Variants in COL24A1 observed in about 807,000 individuals in gnomAD.
The protein encoded by COL24A1 is collagen type XXIV alpha 1 chain, also known as collagen alpha-1(XXIV) chain.
Under a neutral mutation model 253.9 loss-of-function variants are expected in COL24A1, and 224 were observed. The ratio of observed to expected loss-of-function variants is 0.88; its 90% CI spans 0.79 to 0.99. COL24A1 has a LOEUF of 0.99. Ranked by LOEUF, COL24A1 falls within the 50% of genes least tolerant of loss-of-function variation. The pLI, the probability that COL24A1 is intolerant of heterozygous loss-of-function variation, is 0.00. For synonymous variants in COL24A1, 685 were observed against 673.7 expected, an observed-to-expected ratio of 1.02 and a Z score of -0.26; for missense variants, 2,131 against 2,068.5, an observed-to-expected ratio of 1.03 and a Z score of -0.59.
intron 5 of COL24A1, among the ~76,000 whole-genome samples, chr1:86,107,780 C>G (rs1705145521): frequency 6.6e-6 from 1 of 151,938 alleles, no homozygotes; most frequent in Non-Finnish European, 1.5e-5. Context: ...CGTGATCTAC[C>G]CGCCTCGGCC....
chr1:86,066,821 A>ATG (rs928902525), intron 7 of COL24A1, among the ~76,000 whole-genome samples: 5 of 145,126 alleles, frequency 3.4e-5, no homozygotes, highest in African/African-American at 1.3e-4. Flanking sequence ...CTGTCACTGA[A>ATG]TAAAAAACAA....
chr1:85,858,621 C>CTCCTTCCTTCCTTCCTTCCTTCCT (rs1192322864), intron 37 of COL24A1, among the ~76,000 whole-genome samples: 29 of 113,360 alleles, frequency 2.6e-4, no homozygotes, highest in Non-Finnish European at 4.4e-4. Flanking sequence ...TATTTTCTCC[C>CTCCTTCCTTCCTTCCTTCCTTCCT]TCCTTCCTTC....
intron 24 of COL24A1, among the ~76,000 whole-genome samples, chr1:85,955,612 C>A (rs1033474976): frequency 6.6e-6 from 1 of 152,086 alleles, no homozygotes; most frequent in Non-Finnish European, 1.5e-5. Flanking sequence ...GGTTTGACAG[C>A]GGGACACCAA....
chr1:85,919,613 G>C (rs568024580), intron 24 of COL24A1, among the ~76,000 whole-genome samples: 3 of 152,270 alleles, frequency 2.0e-5, no homozygotes, highest in Non-Finnish European at 2.9e-5. Flanking sequence ...CCAGGAGTTG[G>C]AGGCTGCAGT....
At chr1:86,110,173 T>G (rs1705399881) in intron 5 of COL24A1, among the ~76,000 whole-genome samples, 1 of 151,570 alleles carries the variant, frequency 6.6e-6, no homozygotes, top group African/African-American at 2.4e-5. Context: ...ATGGGAATAT[T>G]TTATTTTATA....
At chr1:85,874,742 A>C in intron 34 of COL24A1, 40 bp from the exon 35 acceptor site, 1 of 1,601,728 alleles carries the variant, frequency 6.2e-7, no homozygotes, top group Non-Finnish European at 8.5e-7. Context: ...TTTTCTACTA[A>C]GACTGCATGG....
intron 32 of COL24A1, among the ~76,000 whole-genome samples, chr1:85,882,876 T>C (rs1220342405): frequency 6.6e-6 from 1 of 152,220 alleles, no homozygotes; most frequent in Non-Finnish European, 1.5e-5. Context: ...CTGACAATTT[T>C]CCTTGTTCTG....
intron 39 of COL24A1, 149 bp from the exon 40 acceptor site, chr1:85,842,542 C>A (rs1010058): frequency 0.35 from 193,540 of 546,920 alleles, 38,394 homozygotes; most frequent in Non-Finnish European, 0.42. Context: ...AAAAATAACC[C>A]CCCAACTTTT....
Position 85,945,019 on chromosome 1 carries a change from T to TTTTTTTTTTTTTTTTTTTTTTTTTTTTTG in COL24A1, c.2562+16229_2562+16230insCAAAAAAAAAAAAAAAAAAAAAAAAAAAA, listed in dbSNP as rs1553237048. Reference sequence around the variant, plus strand: ...ATCATTGTGTTTTTTTTTTTTTTTTTTTTTTTTTTTTTTTTTGAGACAGAG... The same window carrying TTTTTTTTTTTTTTTTTTTTTTTTTTTTTG: ...ATCATTGTGTTTTTTTTTTTTTTTTTTTTTTTTTTTTTTTTTTTTTTTTTTTTTGTTTTTTTTTTTTTTTTGAGACAGAG... On this transcript the variant is annotated intron_variant, in intron 24 of 59. Transcript: ENST00000370571. Among the ~76,000 whole-genome samples, 9 of 73,362 alleles carry TTTTTTTTTTTTTTTTTTTTTTTTTTTTTG rather than the reference T, an allele frequency of 1.2e-4. 1 individual carries two copies. The highest frequency in any genetic ancestry group is 2.1e-4 in the Non-Finnish European group (8 of 37,364). 48.1% of individuals were successfully genotyped at this position (73,362 alleles called of 152,430 possible). A position where few individuals can be genotyped will look rare whatever the true frequency, so the allele number is the denominator to read the frequency against.
chr1:85,761,677 T>C, intron 53 of COL24A1, 111 bp from the exon 54 acceptor site: 1 of 1,024,334 alleles, frequency 9.8e-7, no homozygotes, highest in South Asian at 1.4e-5. Context: ...AGGCAAGTCA[T>C]ACAATTTAAA....
chr1:85,842,408 A>C lies in COL24A1; in HGVS notation c.3463-15T>G, dbSNP rs1167880616. On this transcript the variant is annotated splice_polypyrimidine_tract_variant and intron_variant, in intron 39 of 59. Coordinates refer to ENST00000370571, the MANE Select transcript of COL24A1 (RefSeq NM_152890.7). The stretch of plus-strand genomic sequence containing the variant: ...CCTAAATGTCCCTGAAAAACAAAGT[A>C]AATATTAGTGAGAGAGAGAAAGTAA... 15 of 1,550,226 alleles carry C rather than the reference A, an allele frequency of 9.7e-6. No homozygotes were observed. Among genetic ancestry groups the C allele is most frequent in the Non-Finnish European group, 1.3e-5 (15 of 1,130,700 alleles).
At chr1:85,875,926 G>A (rs1335025658) in intron 33 of COL24A1, among the ~76,000 whole-genome samples, 1 of 152,040 alleles carries the variant, frequency 6.6e-6, no homozygotes, top group Non-Finnish European at 1.5e-5. Context: ...TTGTCTCCAA[G>A]AGATATTTAC....
chr1:86,086,471 C>T (rs1411641726), intron 7 of COL24A1, among the ~76,000 whole-genome samples: 1 of 152,174 alleles, frequency 6.6e-6, no homozygotes, highest in Non-Finnish European at 1.5e-5. Context: ...ATGTCACCAG[C>T]ATGGATTACA....
intron 5 of COL24A1, among the ~76,000 whole-genome samples, chr1:86,108,333 T>G (rs1705193277): frequency 6.6e-6 from 1 of 152,170 alleles, no homozygotes; most frequent in South Asian, 2.1e-4. Context: ...TTCTTCATTT[T>G]CTCAAATATT....
At chr1:85,761,134 A>G (rs1381709843) in intron 55 of COL24A1, among the ~76,000 whole-genome samples, 1 of 152,198 alleles carries the variant, frequency 6.6e-6, no homozygotes, top group Non-Finnish European at 1.5e-5. Flanking sequence ...TGTATTATAC[A>G]ATGTGCTGCA....
chr1:85,965,444 GTGTT>G (rs1359747923), intron 22 of COL24A1, among the ~76,000 whole-genome samples: 1 of 152,086 alleles, frequency 6.6e-6, no homozygotes, highest in Non-Finnish European at 1.5e-5. Flanking sequence ...TTTATTGAAA[GTGTT>G]TGTAAGATTC....
chr1:86,109,918 C>G (rs1705375643), intron 5 of COL24A1, among the ~76,000 whole-genome samples: 1 of 152,190 alleles, frequency 6.6e-6, no homozygotes, highest in Non-Finnish European at 1.5e-5. Context: ...CTAGTTCCTT[C>G]CATTGTGTGA....
rs1459803068 is a variant in COL24A1, at chr1:85,957,666, T to G, written c.2562+3583A>C. Among the ~76,000 whole-genome samples, 4 of 152,210 alleles carry G rather than the reference T, an allele frequency of 2.6e-5. No individual in the cohort carries two copies. In the South Asian group the frequency reaches 6.2e-4, roughly 24 times the overall value. ...TATATCCACTTCTCTTTATCTCCAC[T>G]GGTCTAAATCATCTTTCTCATTCAT... On this transcript the variant is annotated intron_variant, in intron 24 of 59. Transcript: ENST00000370571.
chr1:86,005,712 C>A (rs2101093761), intron 19 of COL24A1, among the ~76,000 whole-genome samples: 1 of 151,402 alleles, frequency 6.6e-6, no homozygotes, highest in South Asian at 2.1e-4. Flanking sequence ...ACTGGAAGTC[C>A]TAGATAATGC....
Sources: gnomAD v4.1 joint callset for allele counts (sites outside exome capture counted in the v4.1 genomes callset) on GRCh38, gnomAD v4.1.1 for gene constraint, MANE v1.5 for transcripts, NCBI Gene and HGNC (gene_info 2026-07-23, HGNC 2026-07-21) for gene names.